The following NCAPG variants were observed in gnomAD, a reference collection of about 807,000 sequenced individuals.
The protein encoded by NCAPG is non-SMC condensin I complex subunit G.
Under a neutral mutation model 113.1 loss-of-function variants are expected in NCAPG, and 69 were observed. That is an observed-to-expected ratio of 0.61 (90% CI 0.50 to 0.75). The LOEUF is 0.75. Among genes scored for constraint, NCAPG ranks in the 30% least tolerant of loss-of-function variants. The probability of loss-of-function intolerance (pLI) is 0.00; values close to 1 mark genes in which losing one functional copy is unlikely to be tolerated. For synonymous variants in NCAPG, 370 were observed against 415.8 expected (o/e 0.89, Z 1.34); for missense variants, 1,058 against 1,177.0 (o/e 0.90, Z 1.48).
rs767951387 is a variant in NCAPG, at chr4:17,831,090, A to G, written c.1858A>G (p.Arg620Gly). 1 of 1,613,706 alleles carries G rather than the reference A, an allele frequency of 6.2e-7. No individual in the cohort carries two copies. The highest frequency in any genetic ancestry group is 1.1e-5 in the South Asian group (1 of 90,996). The change falls in exon 13 of 21, where the codon AGG becomes GGG. Residue 620 changes from arginine to glycine, a missense_variant. Physicochemically the swap from Arg to Gly is moderately radical, Grantham distance 125 (BLOSUM62 -2). Transcript: ENST00000251496. ...CCGLQNQDFA[R>G]KHFVLLLQVL... ...TGGACTACAGAATCAGGATTTTGCA[A>G]GGAAACACTTCGTATTACTATTGCA...
At chr4:17,826,217 A>G (rs373890848) in intron 11 of NCAPG, among the ~76,000 whole-genome samples, 28 of 152,276 alleles carry the variant, frequency 1.8e-4, no homozygotes, top group African/African-American at 6.0e-4. Context: ...ATATGTAAAC[A>G]TAAGATAGGT....
Position 17,811,388 on chromosome 4 carries a change from G to T in NCAPG, c.111+200G>T, listed in dbSNP as rs1032588804. On this transcript the variant is annotated intron_variant, in intron 1 of 20. Transcript: ENST00000251496. This position sits in a 1 kb window ranked among gnomAD's most constrained non-coding sequence, Gnocchi z 5.3. The stretch of plus-strand genomic sequence containing the variant: ...GGGCCCAGGCCAGAAAGCCTCCGAA[G>T]CCTGGGCGTCGTTCACACGGGCCCC... 4.6e-5 allele frequency among the ~76,000 whole-genome samples: 7 copies of T among 152,194 alleles called. No homozygotes were observed. The highest frequency in any genetic ancestry group is 1.2e-4 in the African/African-American group (5 of 41,460).
intron 11 of NCAPG, 114 bp from the exon 12 acceptor site, chr4:17,828,164 C>T (rs1721727458): frequency 1.8e-6 from 1 of 551,012 alleles, no homozygotes; most frequent in Admixed American, 3.7e-5. Flanking sequence ...TGTAAGATCA[C>T]CTACAGAGTC....
intron 16 of NCAPG, 49 bp downstream of exon 16, chr4:17,837,850 T>C (rs1388962639): frequency 5.6e-6 from 9 of 1,600,038 alleles, no homozygotes; most frequent in African/African-American, 1.3e-5. Context: ...GGTAAAATAA[T>C]CTCTCTCAAA....
chr4:17,822,927 A>G, intron 7 of NCAPG, 56 bp from the exon 8 acceptor site: 2 of 1,433,222 alleles, frequency 1.4e-6, no homozygotes, highest in Non-Finnish European at 1.9e-6. Flanking sequence ...GGTGGGAATC[A>G]ACTCTTGTTT....
intron 7 of NCAPG, among the ~76,000 whole-genome samples, chr4:17,819,814 C>T (rs1721378302): frequency 6.6e-6 from 1 of 152,180 alleles, no homozygotes; most frequent in African/African-American, 2.4e-5. Flanking sequence ...AGTTAGGCAG[C>T]AAAGCTGTGC....
At chr4:17,817,912 C>T (rs1033050881) in intron 6 of NCAPG, 27 bp from the exon 7 acceptor site, 2 of 1,565,278 alleles carry the variant, frequency 1.3e-6, no homozygotes, top group Non-Finnish European at 1.7e-6. Flanking sequence ...ATCATGCTTT[C>T]TCTCACACTC....
At chr4:17,841,960 A>G (rs1263387147) in intron 19 of NCAPG, 1 of 178,340 alleles carries the variant, frequency 5.6e-6, no homozygotes. Context: ...ATGAGTCTCC[A>G]CAGACTTTGT....
chr4:17,825,678 G>A (rs1158873129), intron 11 of NCAPG, 117 bp downstream of exon 11: 1 of 865,696 alleles, frequency 1.2e-6, no homozygotes, highest in South Asian at 2.2e-5. Flanking sequence ...CTTTGTAATA[G>A]TGACATGAAT....
At chr4:17,840,342 C>A in intron 18 of NCAPG, 133 bp downstream of exon 18, 1 of 953,038 alleles carries the variant, frequency 1.0e-6, no homozygotes, top group Non-Finnish European at 1.5e-6. Flanking sequence ...TCTAATTAAT[C>A]CTCTTGGGAA....
intron 16 of NCAPG, 41 bp from the exon 17 acceptor site, chr4:17,839,635 A>C (rs893973980): frequency 1.5e-6 from 2 of 1,323,420 alleles, no homozygotes; most frequent in Non-Finnish European, 2.0e-6. Context: ...AATAATCATA[A>C]TCATCTTCAA....
chr4:17,837,736 T>C lies in NCAPG; in HGVS notation c.2401T>C (p.Leu801=), dbSNP rs1448196303. 1 of 1,614,008 alleles carries C rather than the reference T, an allele frequency of 6.2e-7. No individual in the cohort carries two copies. Among genetic ancestry groups the C allele is most frequent in the Non-Finnish European group, 8.5e-7 (1 of 1,179,906 alleles). ...AEIDITNVAE[L]LVDLTRPSGL... is the part of the protein sequence containing the mutation. ...AATTGATATCACAAATGTTGCTGAG[T>C]TACTTGTAGATTTGACAAGACCAAG... The change falls in exon 16 of 21, where the codon TTA becomes CTA. Residue 801 remains leucine, a synonymous_variant. Coordinates refer to ENST00000251496, the MANE Select transcript of NCAPG (RefSeq NM_022346.5).
chr4:17,823,646 GA>G lies in NCAPG; in HGVS notation c.1266del (p.Lys422AsnfsTer32), dbSNP rs770898717. On this transcript the variant is annotated frameshift_variant and splice_region_variant, in exon 9 of 21. Coordinates refer to ENST00000251496, the MANE Select transcript of NCAPG (RefSeq NM_022346.5). LOFTEE classifies it high-confidence loss of function. ...KSLDTSEEGG[R>X]KKLLAVLQEI... ...TTTAAATTAGTTCTTTTTGACTGCA[GA>G]AAAAAACTGCTGGCTGTTTTACAGG... 92 of 1,604,004 alleles carry G rather than the reference GA, an allele frequency of 5.7e-5. No individual in the cohort carries two copies. The highest frequency in any genetic ancestry group is 7.1e-5 in the Non-Finnish European group (83 of 1,175,538).
chr4:17,812,323 G>T lies in NCAPG; in HGVS notation c.214G>T (p.Ala72Ser), dbSNP rs1490866326. The change falls in exon 2 of 21, where the codon GCA becomes TCA. Residue 72 changes from alanine (A) to serine (S), a missense_variant. By Grantham distance (99) the Ala-to-Ser change is moderately conservative. Transcript: ENST00000251496. ...EPAVERVIEF[A>S]AKFVTSFHQS... ...AGCTGTGGAGAGGGTAATAGAATTT[G>T]CAGCAAAGTTTGTTACCTCATTTCA... The T allele has an allele frequency of 6.2e-7, 1 of 1,613,790 alleles. No individual in the cohort carries two copies.
In NCAPG at chr4:17,831,098, C is replaced by T. The variant is rs1170487908; in HGVS notation, c.1866C>T (p.His622=). ...GLQNQDFARK[H]FVLLLQVLQI... ...AGAATCAGGATTTTGCAAGGAAACA[C>T]TTCGTATTACTATTGCAGGTAGGAT... is the stretch of plus-strand genomic sequence containing the variant. Residue 622 remains histidine (H), a synonymous_variant, in exon 13 of 21, where the codon CAC becomes CAT. Coordinates refer to ENST00000251496, the MANE Select transcript of NCAPG (RefSeq NM_022346.5). 9 of 1,613,184 alleles carry T rather than the reference C, an allele frequency of 5.6e-6. No homozygotes were observed. The highest frequency in any genetic ancestry group is 1.1e-5 in the South Asian group (1 of 90,860).
chr4:17,813,264 C>A, intron 3 of NCAPG, 119 bp downstream of exon 3: 3 of 787,154 alleles, frequency 3.8e-6, no homozygotes, highest in African/African-American at 1.8e-5. Flanking sequence ...TATATGATTC[C>A]GATTAAACAA....
At chr4:17,825,652 A>G in intron 11 of NCAPG, 91 bp downstream of exon 11, 2 of 1,185,744 alleles carry the variant, frequency 1.7e-6, no homozygotes, top group Non-Finnish European at 2.4e-6. Flanking sequence ...TTGCCAAAAT[A>G]TATTTACTTT....
intron 3 of NCAPG, among the ~76,000 whole-genome samples, chr4:17,813,781 G>A (rs900459162): frequency 2.0e-4 from 31 of 151,762 alleles, no homozygotes; most frequent in African/African-American, 7.3e-4. Context: ...CTTTTTTAAG[G>A]AACTTTTTCT....
chr4:17,834,670 A>G, intron 14 of NCAPG, 147 bp downstream of exon 14: 2 of 527,050 alleles, frequency 3.8e-6, no homozygotes, highest in Non-Finnish European at 6.1e-6. Flanking sequence ...TACATGTGCC[A>G]TGGTGGTTTG....
Sources: allele counts gnomAD v4.1 joint callset (sites outside exome capture counted in the v4.1 genomes callset), GRCh38; gene constraint gnomAD v4.1.1; non-coding constraint Gnocchi (gnomAD v3.1); transcripts MANE v1.5; gene names NCBI Gene and HGNC (gene_info 2026-07-23, HGNC 2026-07-21).